The following ADGRL3 variants were observed in gnomAD, a reference collection of about 807,000 sequenced individuals.
ADGRL3 encodes adhesion G protein-coupled receptor L3.
In ADGRL3, 62 loss-of-function variants were observed where a neutral mutation model predicts 153.5. The observed-to-expected ratio is 0.40, with a 90% CI of 0.33 to 0.50. The LOEUF is 0.50. ADGRL3 is among the 20% of genes least tolerant of loss of function. ADGRL3 has a pLI of 0.47. For synonymous variants in ADGRL3, 710 were observed against 672.5 expected, an observed-to-expected ratio of 1.06 and a Z score of -0.86; for missense variants, 1,641 against 1,859.4, an observed-to-expected ratio of 0.88 and a Z score of 2.16.
chr4:61,652,824 T>C (rs2094308735), intron 5 of ADGRL3, among the ~76,000 whole-genome samples: 1 of 152,166 alleles, frequency 6.6e-6, no homozygotes, highest in Non-Finnish European at 1.5e-5. Flanking sequence ...AATCAACTAC[T>C]GAGCATTTGC....
chr4:61,485,219 G>C (rs375355565), intron 2 of ADGRL3, among the ~76,000 whole-genome samples: 11 of 152,058 alleles, frequency 7.2e-5, no homozygotes, highest in Non-Finnish European at 1.5e-5. Flanking sequence ...TCTCTTGCCC[G>C]GTTGCTACTG....
chr4:61,410,748 C>G (rs2097076655), intron 2 of ADGRL3, among the ~76,000 whole-genome samples: 1 of 152,166 alleles, frequency 6.6e-6, no homozygotes, highest in Admixed American at 6.5e-5. Flanking sequence ...ACAGAATACA[C>G]TATCGTGCAG....
intron 5 of ADGRL3, among the ~76,000 whole-genome samples, chr4:61,596,610 T>A (rs6551634): frequency 0.59 from 89,032 of 152,036 alleles, 27,367 homozygotes; most frequent in African/African-American, 0.77. Flanking sequence ...TTGTTTATTT[T>A]TTATTCTCCA....
At chr4:61,558,173 C>CATATATAT (rs33947698) in intron 4 of ADGRL3, among the ~76,000 whole-genome samples, 18,818 of 128,640 alleles carry the variant, frequency 0.15, 1,451 homozygotes, top group Non-Finnish European at 0.16. Flanking sequence ...ATGTAGGAAT[C>CATATATAT]ATATATATAT....
intron 12 of ADGRL3, among the ~76,000 whole-genome samples, chr4:61,910,191 A>C (rs1401470891): frequency 6.6e-6 from 1 of 151,924 alleles, no homozygotes; most frequent in African/African-American, 2.4e-5. Flanking sequence ...GATCTCTATC[A>C]TCAATTATAG....
At position 61,467,224 on chromosome 4, in the gene ADGRL3, A is replaced by G. The variant is rs192826666; in HGVS notation, c.-173-29897A>G. Among the ~76,000 whole-genome samples, 3 of 152,194 alleles carry G rather than the reference A, an allele frequency of 2.0e-5. No homozygotes were observed. In the East Asian group the frequency reaches 5.8e-4, roughly 29 times the overall value. ...ATTAAAATGTTAAGGCATGCATTTTATTTTAGATATGTTTTGTTTCAATCT... is the reference window on the plus strand; with the variant it reads ...ATTAAAATGTTAAGGCATGCATTTTGTTTTAGATATGTTTTGTTTCAATCT... On this transcript the variant is annotated intron_variant, in intron 2 of 26. Transcript: ENST00000683033.
intron 8 of ADGRL3, among the ~76,000 whole-genome samples, chr4:61,767,044 T>C (rs1286495269): frequency 2.6e-5 from 4 of 151,984 alleles, no homozygotes; most frequent in Admixed American, 6.6e-5. Flanking sequence ...GGATGGGATA[T>C]TGGCGTTGAG....
intron 2 of ADGRL3, among the ~76,000 whole-genome samples, chr4:61,495,526 G>A (rs990553390): frequency 2.0e-5 from 3 of 151,528 alleles, no homozygotes; most frequent in Non-Finnish European, 4.4e-5. Flanking sequence ...GAAGGGAAGA[G>A]AATGGAAGGA....
intron 9 of ADGRL3, among the ~76,000 whole-genome samples, chr4:61,818,691 C>T (rs773056817): frequency 6.6e-6 from 1 of 152,080 alleles, no homozygotes; most frequent in African/African-American, 2.4e-5. Flanking sequence ...TGATATCTAC[C>T]TCAAATTGTG....
Position 61,322,409 on chromosome 4 carries a change from CT to C in ADGRL3, c.-239-60714del, listed in dbSNP as rs2095377369. Among the ~76,000 whole-genome samples the C allele has an allele frequency of 4.6e-5, 7 of 152,304 alleles. No homozygotes were observed. The South Asian group carries it at 1.4e-3, about 32-fold the overall frequency. ...TGCCTTTCCAAGAGTCACCTAAAGT[CT>C]CAACTAATTTTAGCAGTGACTCAAA... On this transcript the variant is annotated intron_variant, in intron 1 of 26. Transcript: ENST00000683033.
intron 1 of ADGRL3, among the ~76,000 whole-genome samples, chr4:61,217,816 A>G (rs1222875615): frequency 1.3e-5 from 2 of 152,162 alleles, no homozygotes; most frequent in East Asian, 3.8e-4. Flanking sequence ...TTGACTTATT[A>G]AGTACCTGGT....
At chr4:61,387,303 C>G (rs998255252) in intron 2 of ADGRL3, among the ~76,000 whole-genome samples, 2 of 152,078 alleles carry the variant, frequency 1.3e-5, no homozygotes, top group East Asian at 1.9e-4. Flanking sequence ...ACCACAGGAC[C>G]GAGGTGAAGT....
intron 25 of ADGRL3, among the ~76,000 whole-genome samples, chr4:62,061,934 G>T (rs576832978): frequency 3.3e-5 from 5 of 151,980 alleles, no homozygotes; most frequent in Non-Finnish European, 5.9e-5. Context: ...TCATGTACAG[G>T]TTTTTGTGTG....
intron 1 of ADGRL3, among the ~76,000 whole-genome samples, chr4:61,294,884 TACACACACACACACACACTC>T (rs1244491660): frequency 7.4e-4 from 78 of 105,234 alleles, no homozygotes; most frequent in Admixed American, 2.6e-3. Flanking sequence ...AATTAAATTT[TACACACACACACACACACTC>T]ACACACACAC....
At chr4:61,587,544 A>G in intron 5 of ADGRL3, 104 bp downstream of exon 5, 1 of 854,984 alleles carries the variant, frequency 1.2e-6, no homozygotes, top group Non-Finnish European at 1.8e-6. Flanking sequence ...TATGTATTTT[A>G]GGACACTTCA....
At chr4:62,029,874 T>C (rs1510921) in intron 22 of ADGRL3, among the ~76,000 whole-genome samples, 31,645 of 151,374 alleles carry the variant, frequency 0.21, 3,835 homozygotes, top group South Asian at 0.41. Flanking sequence ...AATTCTTATT[T>C]TTTCTTTTTC....
chr4:61,255,411 A>T (rs948962464), intron 1 of ADGRL3, among the ~76,000 whole-genome samples: 2 of 152,050 alleles, frequency 1.3e-5, no homozygotes, highest in Admixed American at 1.3e-4. Context: ...CTGTATGGAG[A>T]AGACTGTCAT....
intron 2 of ADGRL3, among the ~76,000 whole-genome samples, chr4:61,474,738 C>T (rs964537615): frequency 2.6e-5 from 4 of 152,020 alleles, no homozygotes; most frequent in Non-Finnish European, 5.9e-5. Flanking sequence ...AGAAAAGGCA[C>T]ATATATCTCA....
chr4:61,929,217 G>T (rs1359461372), intron 13 of ADGRL3, among the ~76,000 whole-genome samples: 3 of 152,058 alleles, frequency 2.0e-5, no homozygotes, highest in South Asian at 2.1e-4. Flanking sequence ...TACAAAGGAG[G>T]CCCGAGATAA....
Sources: gnomAD v4.1 joint callset for allele counts (sites outside exome capture counted in the v4.1 genomes callset) on GRCh38, gnomAD v4.1.1 for gene constraint, MANE v1.5 for transcripts, NCBI Gene and HGNC (gene_info 2026-07-23, HGNC 2026-07-21) for gene names.